Variants in YAP1 observed in about 807,000 individuals in gnomAD.
The protein encoded by YAP1 is transcriptional coactivator YAP1.
In YAP1, 5 loss-of-function variants were observed where a neutral mutation model predicts 56.9. That is an observed-to-expected ratio of 0.09 (90% CI 0.05 to 0.18). The LOEUF (loss-of-function observed/expected upper bound fraction) is 0.18, where lower values mean the gene tolerates loss of function less well. Among genes scored for constraint, YAP1 ranks in the 10% least tolerant of loss-of-function variants. The pLI is 1.00. For missense variants in YAP1, 539 were observed against 651.8 expected (o/e 0.83, Z 1.88); for synonymous variants, 265 against 248.1 (o/e 1.07, Z -0.64).
chr11:102,220,471 C>T (rs191460850), intron 6 of YAP1, among the ~76,000 whole-genome samples: 7 of 152,056 alleles, frequency 4.6e-5, no homozygotes, highest in South Asian at 2.1e-4. Context: ...GGAACAAATA[C>T]ACTTTGGCAT....
rs1946800147 is a variant in YAP1 at position 102,169,753 on chromosome 11, G to A, written c.688+7182G>A. ...GTATAAGGAAAAGCATAATAATCTG[G>A]AATCAATATAGCCAATCCTTAAGAA... On this transcript the variant is annotated intron_variant, in intron 3 of 8. Coordinates refer to ENST00000282441, the MANE Select transcript of YAP1 (RefSeq NM_001130145.3). Among the ~76,000 whole-genome samples, 6 of 152,056 alleles carry A rather than the reference G, an allele frequency of 3.9e-5. No individual in the cohort carries two copies. The South Asian group carries it at 1.2e-3, about 32-fold the overall frequency.
intron 3 of YAP1, among the ~76,000 whole-genome samples, chr11:102,179,133 A>C (rs1947437907): frequency 1.3e-5 from 2 of 149,652 alleles, no homozygotes; most frequent in South Asian, 4.4e-4. Flanking sequence ...GAGGGGACAA[A>C]CATCCAAACC....
chr11:102,156,747 A>T (rs751640587), intron 2 of YAP1, among the ~76,000 whole-genome samples: 1 of 152,238 alleles, frequency 6.6e-6, no homozygotes, highest in Non-Finnish European at 1.5e-5. Flanking sequence ...CTTCAGGTAC[A>T]CGCCATTTGG....
chr11:102,150,916 T>C (rs1945610864), intron 2 of YAP1, among the ~76,000 whole-genome samples: 1 of 150,994 alleles, frequency 6.6e-6, no homozygotes. Context: ...TTCTCCTGCC[T>C]CACCTTCCTG....
At chr11:102,193,557 C>G (rs1948410237) in intron 4 of YAP1, among the ~76,000 whole-genome samples, 1 of 152,152 alleles carries the variant, frequency 6.6e-6, no homozygotes, top group Admixed American at 6.5e-5. Flanking sequence ...CTAACCAAGG[C>G]TGAGTAGACA....
Position 102,142,976 on chromosome 11 carries a change from C to T in YAP1, c.573-19480C>T, listed in dbSNP as rs1017278023. Among the ~76,000 whole-genome samples, 5 of 151,978 alleles carry T rather than the reference C, an allele frequency of 3.3e-5. No homozygotes were observed. In the East Asian group the frequency reaches 9.6e-4, roughly 29 times the overall value. Reference sequence around the variant, plus strand: ...TGTAGTCTCTTAACGTGTGTTACCTCTTTTAATCCTCTTCATAGTTAACTG... The same window carrying T: ...TGTAGTCTCTTAACGTGTGTTACCTTTTTTAATCCTCTTCATAGTTAACTG... On this transcript the variant is annotated intron_variant, in intron 2 of 8. Transcript: ENST00000282441.
chr11:102,142,895 C>T (rs1276061261), intron 2 of YAP1, among the ~76,000 whole-genome samples: 1 of 152,072 alleles, frequency 6.6e-6, no homozygotes, highest in Non-Finnish European at 1.5e-5. Flanking sequence ...TGTTTTATGT[C>T]CTGCATTTGA....
chr11:102,111,310 T>C, intron 1 of YAP1, 141 bp downstream of exon 1: 3 of 911,710 alleles, frequency 3.3e-6, no homozygotes, highest in South Asian at 3.4e-5. Flanking sequence ...CGAGGCGAAG[T>C]GGAACTGGAG....
rs542416088 is a variant in YAP1, at chr11:102,224,283, G to A, written c.1163+531G>A. ...AACGGCAGTATTTGAAAATAACATA[G>A]CTTAGGGATGCTTCTTAGTGAGTTA... On this transcript the variant is annotated intron_variant, in intron 7 of 8. Transcript: ENST00000282441. 7.2e-5 allele frequency among the ~76,000 whole-genome samples: 11 copies of A among 152,248 alleles called. No homozygotes were observed. The South Asian group carries it at 2.3e-3, about 31-fold the overall frequency.
chr11:102,185,329 C>T (rs1018320044), intron 3 of YAP1, among the ~76,000 whole-genome samples: 3 of 152,200 alleles, frequency 2.0e-5, no homozygotes, highest in African/African-American at 7.2e-5. Context: ...TCCTATCTCT[C>T]AAATGATGTT....
intron 2 of YAP1, among the ~76,000 whole-genome samples, chr11:102,154,146 C>T (rs1216415145): frequency 6.6e-6 from 1 of 152,026 alleles, no homozygotes; most frequent in Non-Finnish European, 1.5e-5. Flanking sequence ...TTGAGAGGTT[C>T]AAAGAAGAAA....
chr11:102,230,141 C>T lies in YAP1; in HGVS notation c.*201C>T, dbSNP rs1178595126. On this transcript the variant is annotated 3_prime_UTR_variant, in exon 9 of 9. Transcript: ENST00000282441. ...TATTGCTGACCTCTTTCACAGTTGG[C>T]TCTAAAGAATCAAAAGAAAAAAACT... is the stretch of plus-strand genomic sequence containing the variant. 2.0e-6 allele frequency: 1 copy of T among 491,760 alleles called. No individual in the cohort carries two copies. Among genetic ancestry groups the T allele is most frequent in the Non-Finnish European group, 3.6e-6 (1 of 279,996 alleles). The allele number at this position is 491,760 out of a possible 1,614,324, so 30.5% of individuals were successfully genotyped here.
intron 7 of YAP1, among the ~76,000 whole-genome samples, chr11:102,224,779 T>C: frequency 6.6e-6 from 1 of 152,234 alleles, no homozygotes; most frequent in Admixed American, 6.5e-5. Flanking sequence ...CACTTTAAAG[T>C]TCTAAAAGTA....
chr11:102,212,167 CT>C (rs374061813), intron 6 of YAP1, among the ~76,000 whole-genome samples: 10 of 152,286 alleles, frequency 6.6e-5, no homozygotes, highest in Non-Finnish European at 1.0e-4. Flanking sequence ...TTAACTTATA[CT>C]TTGTAATAGA....
chr11:102,225,377 C>T (rs1365143946), intron 7 of YAP1, among the ~76,000 whole-genome samples: 4 of 152,026 alleles, frequency 2.6e-5, no homozygotes, highest in South Asian at 2.1e-4. Flanking sequence ...CCCAGCTACT[C>T]GGGAGGCTGA....
At chr11:102,132,830 G>A (rs1456120473) in intron 2 of YAP1, among the ~76,000 whole-genome samples, 2 of 152,200 alleles carry the variant, frequency 1.3e-5, no homozygotes, top group Non-Finnish European at 2.9e-5. Context: ...AGTAAAATGT[G>A]TAAAACATTA....
chr11:102,169,728 G>A (rs914372876), intron 3 of YAP1, among the ~76,000 whole-genome samples: 1 of 152,048 alleles, frequency 6.6e-6, no homozygotes, highest in East Asian at 1.9e-4. Context: ...TGGAAAAATA[G>A]TATAAGGAAA....
chr11:102,115,959 A>G (rs1185150374), intron 2 of YAP1, among the ~76,000 whole-genome samples: 1 of 152,232 alleles, frequency 6.6e-6, no homozygotes, highest in African/African-American at 2.4e-5. Flanking sequence ...GCTGTGGCTA[A>G]AAGTATAAGG....
At chr11:102,115,225 T>C (rs1481095704) in intron 2 of YAP1, among the ~76,000 whole-genome samples, 1 of 152,220 alleles carries the variant, frequency 6.6e-6, no homozygotes, top group East Asian at 1.9e-4. Context: ...TATATTGAAA[T>C]GTTGACTAAA....
Sources: allele counts gnomAD v4.1 joint callset (sites outside exome capture counted in the v4.1 genomes callset), GRCh38; gene constraint gnomAD v4.1.1; transcripts MANE v1.5; gene names NCBI Gene and HGNC (gene_info 2026-07-23, HGNC 2026-07-21).